GLI2: variants seen among roughly 807,000 people sequenced by gnomAD.
GLI2 encodes GLI family zinc finger 2, also known as transcription activator GLI2.
A neutral mutation model predicts 78.9 loss-of-function variants in GLI2; 22 were observed. The ratio of observed to expected loss-of-function variants is 0.28; its 90% CI spans 0.20 to 0.40. The LOEUF is 0.40. Ranked by LOEUF, GLI2 falls within the 10% of genes least tolerant of loss-of-function variation. GLI2 has a pLI of 1.00. For synonymous variants in GLI2, 974 were observed against 963.7 expected (o/e 1.01, Z -0.20); for missense variants, 2,097 against 2,213.2 (o/e 0.95, Z 1.05).
In GLI2 at chr2:120,762,116, G is replaced by A. The variant is rs57880983; in HGVS notation, c.-31+25831G>A. Among the ~76,000 whole-genome samples the A allele has an allele frequency of 9.4e-3, 1,428 of 152,236 alleles. 26 individuals carry two copies. The highest frequency in any genetic ancestry group is 0.032 in the African/African-American group (1,343 of 41,526). On this transcript the variant is annotated intron_variant, in intron 1 of 13. Coordinates refer to ENST00000361492, the MANE Select transcript of GLI2 (RefSeq NM_001374353.1). ...GGAAGTGGCTGCCACCCATACCCAG[G>A]GACATAATGAGACCGAGTAGCCCAA...
At chr2:120,904,740 T>C (rs1678435697) in intron 2 of GLI2, among the ~76,000 whole-genome samples, 1 of 152,132 alleles carries the variant, frequency 6.6e-6, no homozygotes, top group Non-Finnish European at 1.5e-5. Context: ...CTGGGCTGGG[T>C]TTTGGCCTCT....
chr2:120,828,587 C>T (rs1458750877), intron 2 of GLI2, among the ~76,000 whole-genome samples: 1 of 152,146 alleles, frequency 6.6e-6, no homozygotes, highest in African/African-American at 2.4e-5. Flanking sequence ...AACCTTCACC[C>T]AACCCACAGC....
intron 2 of GLI2, among the ~76,000 whole-genome samples, chr2:120,912,905 G>C (rs552329520): frequency 3.3e-5 from 5 of 152,324 alleles, no homozygotes; most frequent in African/African-American, 7.2e-5. Flanking sequence ...AGAGGCACAG[G>C]CTGACTTAAT....
At chr2:120,856,224 C>G (rs917882909) in intron 2 of GLI2, among the ~76,000 whole-genome samples, 1 of 152,210 alleles carries the variant, frequency 6.6e-6, no homozygotes, top group African/African-American at 2.4e-5. Flanking sequence ...TGGCTTCTCT[C>G]ATGATGCCAG....
At chr2:120,741,614 C>G (rs1466482304) in intron 1 of GLI2, among the ~76,000 whole-genome samples, 1 of 152,110 alleles carries the variant, frequency 6.6e-6, no homozygotes, top group Non-Finnish European at 1.5e-5. Context: ...TTCCCTCCGC[C>G]TCCTCCCCGC....
At chr2:120,987,678 T>C (rs1305321989) in intron 13 of GLI2, among the ~76,000 whole-genome samples, 2 of 152,182 alleles carry the variant, frequency 1.3e-5, no homozygotes, top group East Asian at 3.9e-4. Flanking sequence ...CCACAGACTG[T>C]GAGGGTACTG....
At chr2:120,822,136 G>A (rs1390967306) in intron 2 of GLI2, among the ~76,000 whole-genome samples, 1 of 152,258 alleles carries the variant, frequency 6.6e-6, no homozygotes, top group Non-Finnish European at 1.5e-5. Context: ...TTGTGGCCTT[G>A]GAGTTCTTGT....
rs917327941 is a variant in GLI2, at chr2:120,761,243, G to T, written c.-31+24958G>T. ...GGGTAAACTTGGGGCTTGACCCAGG[G>T]ATGGGGACATATGGGCTGGGTGGGG... On this transcript the variant is annotated intron_variant, in intron 1 of 13. Transcript: ENST00000361492. Among the ~76,000 whole-genome samples the T allele has an allele frequency of 4.6e-5, 7 of 152,214 alleles. No individual in the cohort carries two copies. The East Asian group carries it at 1.3e-3, about 29-fold the overall frequency.
chr2:120,954,283 T>G (rs985254961), intron 4 of GLI2, among the ~76,000 whole-genome samples: 3 of 152,052 alleles, frequency 2.0e-5, no homozygotes, highest in African/African-American at 7.2e-5. Flanking sequence ...CGGAAGGTTT[T>G]GAGGGAAGGT....
intron 2 of GLI2, among the ~76,000 whole-genome samples, chr2:120,825,606 T>G (rs963575733): frequency 6.6e-6 from 1 of 152,026 alleles, no homozygotes; most frequent in Non-Finnish European, 1.5e-5. Context: ...GAGTGTGTGC[T>G]GGACTGTAAG....
chr2:120,808,053 T>C (rs1324137322), intron 2 of GLI2, among the ~76,000 whole-genome samples: 1 of 152,162 alleles, frequency 6.6e-6, no homozygotes, highest in African/African-American at 2.4e-5. Context: ...CTTGAAACCC[T>C]GGCACCAGAC....
chr2:120,906,527 C>T (rs1678541937), intron 2 of GLI2, among the ~76,000 whole-genome samples: 1 of 152,142 alleles, frequency 6.6e-6, no homozygotes, highest in Non-Finnish European at 1.5e-5. Context: ...AGCTCCAGCG[C>T]ACTCCCTCTC....
At chr2:120,758,341 C>T (rs1683099370) in intron 1 of GLI2, among the ~76,000 whole-genome samples, 2 of 152,224 alleles carry the variant, frequency 1.3e-5, no homozygotes, top group Admixed American at 1.3e-4. Flanking sequence ...CTCAGGCTTG[C>T]CAGCAAAGGC....
At chr2:120,868,582 G>A (rs1490971690) in intron 2 of GLI2, among the ~76,000 whole-genome samples, 1 of 152,170 alleles carries the variant, frequency 6.6e-6, no homozygotes, top group Non-Finnish European at 1.5e-5. Flanking sequence ...TCCCTCCTGG[G>A]GACACTTGCA....
At chr2:120,956,543 G>T (rs761168660) in intron 5 of GLI2, among the ~76,000 whole-genome samples, 1 of 152,082 alleles carries the variant, frequency 6.6e-6, no homozygotes, top group Non-Finnish European at 1.5e-5. Flanking sequence ...CCCAGTCAGC[G>T]CCACTCCGCC....
intron 2 of GLI2, among the ~76,000 whole-genome samples, chr2:120,869,788 G>T (rs1688333574): frequency 6.6e-6 from 1 of 152,074 alleles, no homozygotes; most frequent in African/African-American, 2.4e-5. Flanking sequence ...GGGTACTAAG[G>T]AAGGAAGGAA....
chr2:120,742,665 TG>T (rs1378435694), intron 1 of GLI2, among the ~76,000 whole-genome samples: 4 of 113,446 alleles, frequency 3.5e-5, no homozygotes, highest in African/African-American at 1.5e-4. Flanking sequence ...ATAATTCAGT[TG>T]TTAGGATGAC....
At chr2:120,830,218 G>A (rs1417895520) in intron 2 of GLI2, among the ~76,000 whole-genome samples, 3 of 152,188 alleles carry the variant, frequency 2.0e-5, no homozygotes, top group Admixed American at 6.5e-5. Flanking sequence ...CACCTGCACC[G>A]TGCAGTGCCA....
At chr2:120,933,148 G>T (rs749532409) in intron 3 of GLI2, among the ~76,000 whole-genome samples, 4 of 152,146 alleles carry the variant, frequency 2.6e-5, no homozygotes, top group African/African-American at 9.7e-5. Context: ...GCAGCTGCAC[G>T]TGGGGAAGGC....
Sources: gnomAD v4.1 joint callset for allele counts (sites outside exome capture counted in the v4.1 genomes callset) on GRCh38, gnomAD v4.1.1 for gene constraint, MANE v1.5 for transcripts, NCBI Gene and HGNC (gene_info 2026-07-23, HGNC 2026-07-21) for gene names.